HYOU1: variants seen among roughly 807,000 people sequenced by gnomAD.
HYOU1 encodes the protein hypoxia up-regulated 1, also known as hypoxia up-regulated protein 1.
A neutral mutation model predicts 120.5 loss-of-function variants in HYOU1; 40 were observed. The observed-to-expected ratio is 0.33, with a 90% CI of 0.26 to 0.43. The LOEUF (loss-of-function observed/expected upper bound fraction) is 0.43, where lower values mean the gene tolerates loss of function less well. HYOU1 is among the 20% of genes least tolerant of loss of function. HYOU1 has a pLI of 1.00. For missense variants in HYOU1, 1,085 were observed against 1,278.3 expected (o/e 0.85, Z 2.31); for synonymous variants, 501 against 479.4 (o/e 1.05, Z -0.59).
Position 119,046,626 on chromosome 11 carries a change from G to C in HYOU1, c.2772C>G (p.Thr924=), listed in dbSNP as rs2133551734. ...PRPRPKDKNG[T]RAEPPLNASA... is the part of the protein sequence containing the mutation. ...TGGCATTGAGGGGTGGCTCTGCCCGGGTCCCATTCTTGTCCTTAGGCCGGG... is the reference window on the plus strand; with the variant it reads ...TGGCATTGAGGGGTGGCTCTGCCCGCGTCCCATTCTTGTCCTTAGGCCGGG... Residue 924 remains threonine (T), a synonymous_variant, in exon 23 of 26, where the codon ACC becomes ACG. Transcript: ENST00000617285. 6.8e-6 allele frequency: 11 copies of C among 1,614,060 alleles called. No individual in the cohort carries two copies. The South Asian group carries it at 8.8e-5, about 13-fold the overall frequency.
rs2133612548 is a variant in HYOU1, at chr11:119,055,339, CCTG to C, written c.265-3_265-1del. 1 of 1,612,836 alleles carries C rather than the reference CCTG, an allele frequency of 6.2e-7. No homozygotes were observed. The highest frequency in any genetic ancestry group is 8.5e-7 in the Non-Finnish European group (1 of 1,179,176). ...AGCGTAGCCTTTGGATTCTTAATCG[CCTG>C]AGGGGTGAAGAAGGAGCAGACTAGT... On this transcript the variant is annotated splice_acceptor_variant and splice_polypyrimidine_tract_variant and intron_variant, in intron 4 of 25. Transcript: ENST00000617285. LOFTEE classifies it high-confidence loss of function. The surrounding 1 kb of genome is among the most constrained non-coding windows in gnomAD (Gnocchi z 4.0).
rs148836750 is a variant in HYOU1, at chr11:119,048,543, C to T, written c.2186G>A (p.Arg729Gln). Residue 729 changes from arginine (R) to glutamine (Q), a missense_variant, in exon 19 of 26, where the codon CGA (arginine) becomes CAA (glutamine). Around this residue, in one of 4 missense-constraint regions of HYOU1, gnomAD observed 516 missense variants for 517.1 expected, o/e 1.00. Coordinates refer to ENST00000617285, the MANE Select transcript of HYOU1 (RefSeq NM_006389.5). The surrounding 1 kb of genome is among the most constrained non-coding windows in gnomAD (Gnocchi z 4.7). ...SVQKLQDLTL[R>Q]DLEKQEREKA... ...TTCCCGTTCCTGCTTCTCCAGGTCTCGGAGTGTCAAGTCCTGAAGTCTATG... is the reference window on the plus strand; with the variant it reads ...TTCCCGTTCCTGCTTCTCCAGGTCTTGGAGTGTCAAGTCCTGAAGTCTATG... 33 of 1,613,892 alleles carry T rather than the reference C, an allele frequency of 2.0e-5. No homozygotes were observed. The highest frequency in any genetic ancestry group is 1.5e-4 in the Admixed American group (9 of 59,984).
chr11:119,047,659 C>T, intron 22 of HYOU1, 75 bp downstream of exon 22: 1 of 1,260,528 alleles, frequency 7.9e-7, no homozygotes, highest in Non-Finnish European at 1.2e-6. Context: ...GCTGCTGTGG[C>T]TTCATCTCTC....
Position 119,048,951 on chromosome 11 carries a change from G to A in HYOU1, c.1993-65C>T. On this transcript the variant is annotated intron_variant, in intron 17 of 25. Coordinates refer to ENST00000617285, the MANE Select transcript of HYOU1 (RefSeq NM_006389.5). The surrounding 1 kb of genome is among the most constrained non-coding windows in gnomAD (Gnocchi z 4.7). The stretch of plus-strand genomic sequence containing the variant: ...CCCTCCTACATTCTCCACAAGGCCA[G>A]AAACAAGGCAGGCGCCTGCTCCCTT... 1 of 1,610,588 alleles carries A rather than the reference G, an allele frequency of 6.2e-7. No homozygotes were observed. Among genetic ancestry groups the A allele is most frequent in the African/African-American group, 1.3e-5 (1 of 74,832 alleles).
In HYOU1 at chr11:119,045,840, G is replaced by A; in HGVS notation, c.2888-9C>T. ...GTCTCCTGGCTCGGATCCTGCTTTGGGAAGAAACAGGTTAGTCTCCTCAGA... is the reference window on the plus strand; with the variant it reads ...GTCTCCTGGCTCGGATCCTGCTTTGAGAAGAAACAGGTTAGTCTCCTCAGA... On this transcript the variant is annotated splice_polypyrimidine_tract_variant and intron_variant, in intron 24 of 25. Transcript: ENST00000617285. 1 of 1,612,242 alleles carries A rather than the reference G, an allele frequency of 6.2e-7. No individual in the cohort carries two copies. The highest frequency in any genetic ancestry group is 1.1e-5 in the South Asian group (1 of 90,784).
chr11:119,048,755 C>T lies in HYOU1; in HGVS notation c.2124G>A (p.Leu708=). 1 of 1,613,160 alleles carries T rather than the reference C, an allele frequency of 6.2e-7. No individual in the cohort carries two copies. The highest frequency in any genetic ancestry group is 8.5e-7 in the Non-Finnish European group (1 of 1,179,604). ...CCAGCTTATCCTCTGGCAAGTCAGG[C>T]AGGTCCAGAACAACCAGCTCCACCC... ...EIGVELVVLD[L]PDLPEDKLAQ... Residue 708 remains leucine, a synonymous_variant, in exon 18 of 26, where the codon CTG becomes CTA. Coordinates refer to ENST00000617285, the MANE Select transcript of HYOU1 (RefSeq NM_006389.5). This position sits in a 1 kb window ranked among gnomAD's most constrained non-coding sequence, Gnocchi z 4.7.
In HYOU1 at chr11:119,048,005, ACTT is replaced by A; in HGVS notation, c.2449_2451del (p.Lys817del). On this transcript the variant is annotated inframe_deletion, in exon 21 of 26. Coordinates refer to ENST00000617285, the MANE Select transcript of HYOU1 (RefSeq NM_006389.5). This position sits in a 1 kb window ranked among gnomAD's most constrained non-coding sequence, Gnocchi z 4.7. ...TCGAGGGCAGACAGCCGTTCGGGCC[ACTT>A]CTTGCGCTCCTCTACCCGAAAAAAC... is the stretch of plus-strand genomic sequence containing the variant. 1 of 1,614,054 alleles carries A rather than the reference ACTT, an allele frequency of 6.2e-7. No individual in the cohort carries two copies. The highest frequency in any genetic ancestry group is 8.5e-7 in the Non-Finnish European group (1 of 1,179,992).
rs2133570066 is a variant in HYOU1, at chr11:119,049,153, C to T, written c.1857G>A (p.Gln619=). 12 of 1,612,662 alleles carry T rather than the reference C, an allele frequency of 7.4e-6. No homozygotes were observed. Among genetic ancestry groups the T allele is most frequent in the Non-Finnish European group, 1.0e-5 (12 of 1,179,294 alleles). ...CCTCAGCTTCCTCCTTGAGCTCCACCTGCTCCCCAGGCTCGTCCTTGCTCC... is the reference window on the plus strand; with the variant it reads ...CCTCAGCTTCCTCCTTGAGCTCCACTTGCTCCCCAGGCTCGTCCTTGCTCC... The part of the protein sequence containing the change: ...AEGSKDEPGE[Q]VELKEEAEAP... The change falls in exon 17 of 26, where the codon CAG becomes CAA. Residue 619 remains glutamine, a synonymous_variant. Transcript: ENST00000617285.
rs1164677870 is a variant in HYOU1 at position 119,048,459 on chromosome 11, G to C, written c.2253+17C>G. ...GTGTAAGCCCAGTGGGGGGGCTGCTGCCTCCTGCCCACTGACCTGGGTCTC... is the reference window on the plus strand; with the variant it reads ...GTGTAAGCCCAGTGGGGGGGCTGCTCCCTCCTGCCCACTGACCTGGGTCTC... On this transcript the variant is annotated intron_variant, in intron 19 of 25. Coordinates refer to ENST00000617285, the MANE Select transcript of HYOU1 (RefSeq NM_006389.5). This position sits in a 1 kb window ranked among gnomAD's most constrained non-coding sequence, Gnocchi z 4.7. 7 of 1,613,564 alleles carry C rather than the reference G, an allele frequency of 4.3e-6. No individual in the cohort carries two copies. The East Asian group carries it at 6.7e-5, about 15-fold the overall frequency.
In HYOU1 at chr11:119,051,960, G is replaced by T. The variant is rs2133589191; in HGVS notation, c.1206-9C>A. Reference sequence around the variant, plus strand: ...TCTTCCCCAGCTCCTCCCTGGGAAAGCCCCAAGCCTCAGCACGGTCTACCC... The same window carrying T: ...TCTTCCCCAGCTCCTCCCTGGGAAATCCCCAAGCCTCAGCACGGTCTACCC... On this transcript the variant is annotated splice_polypyrimidine_tract_variant and intron_variant, in intron 11 of 25. Coordinates refer to ENST00000617285, the MANE Select transcript of HYOU1 (RefSeq NM_006389.5). The surrounding 1 kb of genome is among the most constrained non-coding windows in gnomAD (Gnocchi z 4.2). 5.0e-6 allele frequency: 8 copies of T among 1,613,972 alleles called. No individual in the cohort carries two copies. Among genetic ancestry groups the T allele is most frequent in the Middle Eastern group, 1.6e-4 (1 of 6,084 alleles).
chr11:119,056,669 T>C, intron 1 of HYOU1: 1 of 300,054 alleles, frequency 3.3e-6, no homozygotes, highest in Non-Finnish European at 6.6e-6. Flanking sequence ...CTCCTCGGCA[T>C]CCCTGCGGGT....
rs938433081 is a variant in HYOU1, at chr11:119,045,527, G to A, written c.*66C>T. ...AGGACCAACCCCTCCCCCAACCCTC[G>A]ATGTTAAATAAATAGAAGTGGTGGG... On this transcript the variant is annotated 3_prime_UTR_variant, in exon 26 of 26. Transcript: ENST00000617285. 54 of 1,373,732 alleles carry A rather than the reference G, an allele frequency of 3.9e-5. No individual in the cohort carries two copies. The highest frequency in any genetic ancestry group is 2.0e-4 in the African/African-American group (14 of 70,350). The allele number at this position is 1,373,732 out of a possible 1,614,324, so 85.1% of individuals were successfully genotyped here.
At position 119,045,191 on chromosome 11, in the gene HYOU1, G is replaced by A; in HGVS notation, c.*402C>T. The A allele has an allele frequency of 2.2e-6, 1 of 461,538 alleles. No homozygotes were observed. Among genetic ancestry groups the A allele is most frequent in the Non-Finnish European group, 4.4e-6 (1 of 229,484 alleles). The allele number at this position is 461,538 out of a possible 1,614,324, so 28.6% of individuals were successfully genotyped here. ...GCTCATCGCATGGTGGGAGAGGAAG[G>A]GAGGGAAGGAACAATCACCAGAGAA... On this transcript the variant is annotated 3_prime_UTR_variant, in exon 26 of 26. Coordinates refer to ENST00000617285, the MANE Select transcript of HYOU1 (RefSeq NM_006389.5).
chr11:119,049,427 G>A (rs1394535434), intron 16 of HYOU1, 129 bp downstream of exon 16: 1 of 1,572,390 alleles, frequency 6.4e-7, no homozygotes, highest in Non-Finnish European at 8.7e-7. Flanking sequence ...TCAGAGCCCA[G>A]AGGATCCTGG....
At chr11:119,047,042 AC>A in intron 22 of HYOU1, 1 of 507,468 alleles carries the variant, frequency 2.0e-6, no homozygotes, top group African/African-American at 1.9e-5. Flanking sequence ...CTACAACTGA[AC>A]AAACCCCTTG....
intron 24 of HYOU1, 54 bp from the exon 25 acceptor site, chr11:119,045,885 G>C: frequency 1.3e-6 from 2 of 1,575,664 alleles, no homozygotes; most frequent in Non-Finnish European, 1.7e-6. Context: ...GAGGCTAAGG[G>C]AAGGCTGGGC....
At position 119,052,649 on chromosome 11, in the gene HYOU1, G is replaced by A; in HGVS notation, c.975C>T (p.Asp325=). ...CACTTGTGGGCACCTGTGCCATGTG[G>A]TCAGCGTTGGCACTGAGGACGGTTT... ...RLKTVLSANA[D]HMAQIEGLMD... The change falls in exon 9 of 26, where the codon GAC becomes GAT. Residue 325 remains aspartate (D), a synonymous_variant. Transcript: ENST00000617285. This position sits in a 1 kb window ranked among gnomAD's most constrained non-coding sequence, Gnocchi z 5.0. The A allele has an allele frequency of 6.2e-7, 1 of 1,612,890 alleles. No individual in the cohort carries two copies. Among genetic ancestry groups the A allele is most frequent in the Non-Finnish European group, 8.5e-7 (1 of 1,179,246 alleles).
chr11:119,054,047 T>C, intron 8 of HYOU1, 74 bp downstream of exon 8: 2 of 879,964 alleles, frequency 2.3e-6, no homozygotes, highest in Admixed American at 2.0e-5. Context: ...AGCAAAGCAG[T>C]GTGTCTCCTC....
chr11:119,049,767 C>G lies in HYOU1; in HGVS notation c.1726+10G>C. Reference sequence around the variant, plus strand: ...ATTCTCTCCCATACACACATGCATGCTCATCTTACTGGTGAGAGTAGATTC... The same window carrying G: ...ATTCTCTCCCATACACACATGCATGGTCATCTTACTGGTGAGAGTAGATTC... On this transcript the variant is annotated intron_variant, in intron 15 of 25. Transcript: ENST00000617285. 6.2e-7 allele frequency: 1 copy of G among 1,613,512 alleles called. No individual in the cohort carries two copies. Among genetic ancestry groups the G allele is most frequent in the Non-Finnish European group, 8.5e-7 (1 of 1,179,394 alleles).
Sources: gnomAD v4.1 joint callset for allele counts on GRCh38, gnomAD v4.1.1 for gene constraint, gnomAD v4.1.1 regional missense constraint, Gnocchi (gnomAD v3.1) non-coding constraint, MANE v1.5 for transcripts, NCBI Gene and HGNC (gene_info 2026-07-23, HGNC 2026-07-21) for gene names.